Variants in GRID2 observed in about 807,000 individuals in gnomAD.
GRID2 encodes glutamate ionotropic receptor delta type subunit 2, also known as glutamate receptor ionotropic, delta-2.
Under a neutral mutation model 114.8 loss-of-function variants are expected in GRID2, and 33 were observed. The ratio of observed to expected loss-of-function variants is 0.29; its 90% CI spans 0.22 to 0.38. The LOEUF is 0.38. Ranked by LOEUF, GRID2 falls within the 10% of genes least tolerant of loss-of-function variation. The probability of loss-of-function intolerance (pLI) is 1.00; values close to 1 mark genes in which losing one functional copy is unlikely to be tolerated. For missense variants in GRID2, 1,184 were observed against 1,257.7 expected, an observed-to-expected ratio of 0.94 and a Z score of 0.89; for synonymous variants, 505 against 449.9, an observed-to-expected ratio of 1.12 and a Z score of -1.55.
At chr4:93,016,461 T>A (rs1722735203) in intron 2 of GRID2, among the ~76,000 whole-genome samples, 1 of 152,014 alleles carries the variant, frequency 6.6e-6, no homozygotes. Context: ...TAAAGAGAGG[T>A]CCTCCAGTGG....
At chr4:93,599,548 A>C (rs1739461534) in intron 13 of GRID2, among the ~76,000 whole-genome samples, 1 of 152,200 alleles carries the variant, frequency 6.6e-6, no homozygotes, top group Admixed American at 6.5e-5. Flanking sequence ...GAGATAAAAT[A>C]ATCCTAAAAC....
At chr4:93,566,287 C>CTA (rs1379907904) in intron 13 of GRID2, among the ~76,000 whole-genome samples, 1 of 152,078 alleles carries the variant, frequency 6.6e-6, no homozygotes, top group Non-Finnish European at 1.5e-5. Flanking sequence ...GTTACAAACT[C>CTA]TATAATTTTA....
At chr4:92,583,079 T>C (rs9685970) in intron 1 of GRID2, among the ~76,000 whole-genome samples, 57,167 of 151,886 alleles carry the variant, frequency 0.38, 10,770 homozygotes, top group Middle Eastern at 0.45. Context: ...TTATTAAGCT[T>C]CTAGTGTTTT....
intron 2 of GRID2, among the ~76,000 whole-genome samples, chr4:92,916,998 A>G (rs1748861686): frequency 1.3e-5 from 2 of 152,176 alleles, no homozygotes; most frequent in East Asian, 1.9e-4. Flanking sequence ...AAGTGTTCCT[A>G]TTTCTCCACA....
At chr4:93,613,661 C>G (rs1208448377) in intron 13 of GRID2, among the ~76,000 whole-genome samples, 1 of 136,116 alleles carries the variant, frequency 7.3e-6, no homozygotes, top group Non-Finnish European at 1.6e-5. Context: ...AGGAGGCAGT[C>G]TGCCCGTTCT....
At chr4:92,329,125 T>G (rs538689519) in intron 1 of GRID2, among the ~76,000 whole-genome samples, 2 of 152,198 alleles carry the variant, frequency 1.3e-5, no homozygotes, top group South Asian at 2.1e-4. Context: ...GCTTTCACTA[T>G]TCAAGATTAT....
At chr4:92,551,587 T>G (rs886098360) in intron 1 of GRID2, among the ~76,000 whole-genome samples, 1 of 152,154 alleles carries the variant, frequency 6.6e-6, no homozygotes, top group East Asian at 1.9e-4. Context: ...ATGCATCTAT[T>G]CATGCAACAA....
At chr4:93,072,178 T>G (rs1728867180) in intron 2 of GRID2, among the ~76,000 whole-genome samples, 1 of 152,138 alleles carries the variant, frequency 6.6e-6, no homozygotes, top group African/African-American at 2.4e-5. Flanking sequence ...GCCAAAAATC[T>G]ATTAAACTCT....
At chr4:92,776,732 G>A (rs1476422588) in intron 2 of GRID2, among the ~76,000 whole-genome samples, 2 of 151,760 alleles carry the variant, frequency 1.3e-5, no homozygotes, top group Non-Finnish European at 2.9e-5. Context: ...ATAAAATGAA[G>A]GTCTGCTATT....
chr4:92,654,090 G>A (rs145554964), intron 2 of GRID2, among the ~76,000 whole-genome samples: 109 of 152,184 alleles, frequency 7.2e-4, no homozygotes, highest in African/African-American at 2.5e-3. Flanking sequence ...GTATGTTTTA[G>A]TGATCTTGGG....
intron 8 of GRID2, among the ~76,000 whole-genome samples, chr4:93,344,037 A>T (rs1220156978): frequency 1.3e-5 from 2 of 152,034 alleles, no homozygotes; most frequent in African/African-American, 2.4e-5. Context: ...ATTGTCTGAA[A>T]TTTCAAATGA....
At chr4:93,058,357 G>T (rs943792900) in intron 2 of GRID2, among the ~76,000 whole-genome samples, 5 of 151,862 alleles carry the variant, frequency 3.3e-5, no homozygotes, top group Non-Finnish European at 7.4e-5. Flanking sequence ...ATTAAACTTT[G>T]CTCAGCAATT....
chr4:93,808,115 ATTTC>A (rs1213090350), exon 2 of GRID2: 6 of 152,114 alleles, frequency 3.9e-5, no homozygotes, highest in Admixed American at 6.5e-5. Flanking sequence ...CTAATATATT[ATTTC>A]TAAATAATCT....
intron 3 of GRID2, among the ~76,000 whole-genome samples, chr4:93,103,916 T>A (rs1269001271): frequency 3.3e-5 from 5 of 152,100 alleles, no homozygotes; most frequent in African/African-American, 1.2e-4. Flanking sequence ...ATCTTCATTT[T>A]TTTTTTTTTT....
chr4:92,542,984 A>C (rs1187675187), intron 1 of GRID2, among the ~76,000 whole-genome samples: 3 of 141,694 alleles, frequency 2.1e-5, no homozygotes, highest in Non-Finnish European at 4.5e-5. Context: ...CACATGATGC[A>C]CTTCTAAATA....
chr4:92,999,446 TGATAAA>T (rs752614800), intron 2 of GRID2, among the ~76,000 whole-genome samples: 2 of 151,748 alleles, frequency 1.3e-5, no homozygotes, highest in Non-Finnish European at 3.0e-5. Flanking sequence ...GGTCACCCTC[TGATAAA>T]GATAAAGATG....
intron 2 of GRID2, among the ~76,000 whole-genome samples, chr4:92,746,238 A>G: frequency 6.6e-6 from 1 of 152,168 alleles, no homozygotes. Context: ...ATGATTGAAT[A>G]AACTCAAGGG....
At chr4:93,076,729 T>A (rs1433666255) in intron 2 of GRID2, among the ~76,000 whole-genome samples, 1 of 150,446 alleles carries the variant, frequency 6.6e-6, no homozygotes, top group African/African-American at 2.4e-5. Context: ...GCAATTCTCC[T>A]GCCTCAACCT....
At chr4:93,543,193 A>G (rs183800747) in intron 13 of GRID2, among the ~76,000 whole-genome samples, 12 of 152,294 alleles carry the variant, frequency 7.9e-5, no homozygotes, top group Non-Finnish European at 1.3e-4. Flanking sequence ...TTGAATTTGG[A>G]TGCTCTATGT....
Sources: allele counts gnomAD v4.1 joint callset (sites outside exome capture counted in the v4.1 genomes callset), GRCh38; gene constraint gnomAD v4.1.1; transcripts MANE v1.5; gene names NCBI Gene and HGNC (gene_info 2026-07-23, HGNC 2026-07-21).